The following ALDH2 variants were observed in gnomAD, a reference collection of about 807,000 sequenced individuals.
ALDH2 encodes the protein aldehyde dehydrogenase, mitochondrial.
Under a neutral mutation model 59.6 loss-of-function variants are expected in ALDH2, and 44 were observed. The observed-to-expected ratio is 0.74, with a 90% CI of 0.58 to 0.95. ALDH2 has a LOEUF of 0.95. Among genes scored for constraint, ALDH2 ranks in the 40% least tolerant of loss-of-function variants. ALDH2 has a pLI of 0.00. For synonymous variants in ALDH2, 291 were observed against 284.0 expected (o/e 1.02, Z -0.25); for missense variants, 570 against 696.3 (o/e 0.82, Z 2.04).
chr12:111,770,894 A>G (rs1593067893), intron 1 of ALDH2, among the ~76,000 whole-genome samples: 2 of 151,726 alleles, frequency 1.3e-5, no homozygotes, highest in African/African-American at 4.8e-5. Context: ...CAGGTGATCC[A>G]CCTGCCCTGG....
At chr12:111,805,891 C>T (rs1593088709) in intron 12 of ALDH2, among the ~76,000 whole-genome samples, 1 of 151,328 alleles carries the variant, frequency 6.6e-6, no homozygotes. Context: ...GGCGTGGCGG[C>T]ACATGCCTGT....
intron 5 of ALDH2, 30 bp from the exon 6 acceptor site, chr12:111,790,404 G>T: frequency 6.2e-7 from 1 of 1,613,516 alleles, no homozygotes; most frequent in Non-Finnish European, 8.5e-7. Flanking sequence ...AGGAAGCTTG[G>T]ATTTCGAGGG....
rs1237082257 is a variant in ALDH2 at position 111,804,640 on chromosome 12, A to C, written c.1521+667A>C. On this transcript the variant is annotated intron_variant, in intron 12 of 12. Transcript: ENST00000261733. ...CGTGCGCCTGTAATCCCAGCTACTCAGGAGGCTGAGGCAGGAGAATCGCTT... is the reference window on the plus strand; with the variant it reads ...CGTGCGCCTGTAATCCCAGCTACTCCGGAGGCTGAGGCAGGAGAATCGCTT... 2.3e-4 allele frequency among the ~76,000 whole-genome samples: 35 copies of C among 151,924 alleles called. 1 individual carries two copies. Among genetic ancestry groups the C allele is most frequent in the Admixed American group, 2.3e-3 (35 of 15,244 alleles).
In ALDH2 at chr12:111,767,050, A is replaced by C; in HGVS notation, c.68A>C (p.Gln23Pro). 6.5e-7 allele frequency: 1 copy of C among 1,529,002 alleles called. No individual in the cohort carries two copies. Among genetic ancestry groups the C allele is most frequent in the Non-Finnish European group, 8.7e-7 (1 of 1,143,950 alleles). 94.7% of individuals were successfully genotyped at this position (1,529,002 alleles called of 1,614,324 possible). ...GRRLLSAAATQAVPAPNQQPE... is the reference protein window; with the variant it reads ...GRRLLSAAATPAVPAPNQQPE... ...CGCCTCTTGTCAGCCGCCGCCACCCAGGCCGTGCCTGCCCCCAACCAGCAG... is the reference window on the plus strand; with the variant it reads ...CGCCTCTTGTCAGCCGCCGCCACCCCGGCCGTGCCTGCCCCCAACCAGCAG... The change falls in exon 1 of 13, where the codon CAG (glutamine) becomes CCG (proline). Residue 23 changes from glutamine (Q) to proline (P), a missense_variant. Coordinates refer to ENST00000261733, the MANE Select transcript of ALDH2 (RefSeq NM_000690.4).
Position 111,798,134 on chromosome 12 carries a change from G to C in ALDH2, c.1140G>C (p.Glu380Asp), listed in dbSNP as rs150253385. The change falls in exon 10 of 13, where the codon GAG becomes GAC. Residue 380 changes from glutamate to aspartate, a missense_variant. Physicochemically the swap from Glu to Asp is conservative, Grantham distance 45. Transcript: ENST00000261733. ...ILGYINTGKQEGAKLLCGGGI... is the reference protein window; with the variant it reads ...ILGYINTGKQDGAKLLCGGGI... ...GCTACATCAACACGGGGAAGCAAGA[G>C]GGGGCGAAGCTGCTGTGTGGTGGGG... The C allele has an allele frequency of 1.9e-6, 3 of 1,613,882 alleles. No individual in the cohort carries two copies. The highest frequency in any genetic ancestry group is 2.5e-6 in the Non-Finnish European group (3 of 1,179,948).
chr12:111,772,234 A>T (rs530121018), intron 1 of ALDH2, among the ~76,000 whole-genome samples: 8 of 152,274 alleles, frequency 5.3e-5, no homozygotes, highest in African/African-American at 1.9e-4. Flanking sequence ...CTGAAGCAGA[A>T]ATTTGCTTTT....
intron 9 of ALDH2, among the ~76,000 whole-genome samples, chr12:111,793,927 C>T (rs1399146961): frequency 6.6e-6 from 1 of 151,404 alleles, no homozygotes; most frequent in African/African-American, 2.4e-5. Flanking sequence ...ATTCTAGTAT[C>T]ATATAAATAT....
rs1322584942 is a variant in ALDH2, at chr12:111,789,948, C to T, written c.552+14C>T. 6.2e-7 allele frequency: 1 copy of T among 1,610,264 alleles called. No individual in the cohort carries two copies. Among genetic ancestry groups the T allele is most frequent in the Admixed American group, 1.7e-5 (1 of 59,942 alleles). ...CAGATCATTCCGGTGAGTCCAGCCTCCCTGGAGTTTCTTCAGGGTGCCCTG... is the reference window on the plus strand; with the variant it reads ...CAGATCATTCCGGTGAGTCCAGCCTTCCTGGAGTTTCTTCAGGGTGCCCTG... On this transcript the variant is annotated intron_variant, in intron 5 of 12. Coordinates refer to ENST00000261733, the MANE Select transcript of ALDH2 (RefSeq NM_000690.4).
chr12:111,803,585 T>A (rs73420492), intron 11 of ALDH2, among the ~76,000 whole-genome samples: 12,872 of 151,604 alleles, frequency 0.085, 635 homozygotes, highest in Middle Eastern at 0.16. Flanking sequence ...TAAAAAAAAA[T>A]TTATTGCCAG....
intron 1 of ALDH2, among the ~76,000 whole-genome samples, chr12:111,779,176 CCT>C (rs1242135316): frequency 1.3e-5 from 2 of 149,498 alleles, no homozygotes; most frequent in Non-Finnish European, 3.0e-5. Flanking sequence ...TTGTCTTGAA[CCT>C]CTGCTCCTTT....
chr12:111,784,962 T>A (rs893893753), intron 3 of ALDH2, among the ~76,000 whole-genome samples: 5 of 152,182 alleles, frequency 3.3e-5, no homozygotes, highest in African/African-American at 1.2e-4. Context: ...CTCTGTAAGC[T>A]CCACGCTGGT....
intron 1 of ALDH2, among the ~76,000 whole-genome samples, chr12:111,767,406 C>T (rs1174755784): frequency 6.6e-6 from 1 of 152,186 alleles, no homozygotes; most frequent in Non-Finnish European, 1.5e-5. Flanking sequence ...TTCGGGTCTC[C>T]GCAGGGTCCC....
chr12:111,786,292 A>G (rs139702147), intron 4 of ALDH2, among the ~76,000 whole-genome samples: 2,350 of 152,120 alleles, frequency 0.015, 71 homozygotes, highest in African/African-American at 0.053. Context: ...GCTGGAGTGC[A>G]GTGGTGCGAT....
intron 11 of ALDH2, among the ~76,000 whole-genome samples, chr12:111,803,184 CA>C (rs1463884328): frequency 2.1e-5 from 3 of 143,418 alleles, no homozygotes; most frequent in Non-Finnish European, 4.6e-5. Context: ...AACTCCATCT[CA>C]AAAAATAATC....
Position 111,785,326 on chromosome 12 carries a change from C to G in ALDH2, c.420C>G (p.Asp140Glu), listed in dbSNP as rs141373324. The change falls in exon 4 of 13, where the codon GAC becomes GAG. Residue 140 changes from aspartate (D) to glutamate (E), a missense_variant. Asp to Glu is a conservative substitution (Grantham distance 45). Transcript: ENST00000261733. ...TCATCTCCTACCTGGTGGATTTGGACATGGTCCTCAAATGTCTCCGGTATG... is the reference window on the plus strand; with the variant it reads ...TCATCTCCTACCTGGTGGATTTGGAGATGGTCCTCAAATGTCTCCGGTATG... ...PYVISYLVDLDMVLKCLRYYA... is the reference protein window; with the variant it reads ...PYVISYLVDLEMVLKCLRYYA... 77 of 1,614,078 alleles carry G rather than the reference C, an allele frequency of 4.8e-5. No individual in the cohort carries two copies. Among genetic ancestry groups the G allele is most frequent in the South Asian group, 6.6e-5 (6 of 91,084 alleles).
intron 4 of ALDH2, among the ~76,000 whole-genome samples, chr12:111,785,700 G>C (rs2068304242): frequency 6.6e-6 from 1 of 152,114 alleles, no homozygotes; most frequent in Admixed American, 6.6e-5. Flanking sequence ...CTCCAGCCTA[G>C]GTGACAGAGT....
At chr12:111,767,281 C>CT in intron 1 of ALDH2, among the ~76,000 whole-genome samples, 185 bp downstream of exon 1, 1 of 152,318 alleles carries the variant, frequency 6.6e-6, no homozygotes, top group East Asian at 1.9e-4. Context: ...TTCGCCGCCT[C>CT]TGACAGTCCC....
intron 8 of ALDH2, 44 bp downstream of exon 8, chr12:111,792,207 G>A (rs373123763): frequency 1.4e-6 from 2 of 1,445,278 alleles, no homozygotes; most frequent in East Asian, 4.5e-5. Flanking sequence ...AGGTAGCCCT[G>A]GCCACCTGTG....
chr12:111,809,842 T>C lies in ALDH2; in HGVS notation c.*267T>C. 1 of 522,296 alleles carries C rather than the reference T, an allele frequency of 1.9e-6. No homozygotes were observed. 32.4% of individuals were successfully genotyped at this position (522,296 alleles called of 1,614,324 possible). ...AAAAATAGATTCAAATGTGTTATCC[T>C]CTCTCTGAAACGCTTCCTATAACTC... On this transcript the variant is annotated 3_prime_UTR_variant, in exon 13 of 13. Coordinates refer to ENST00000261733, the MANE Select transcript of ALDH2 (RefSeq NM_000690.4).
Sources: gnomAD v4.1 joint callset for allele counts (sites outside exome capture counted in the v4.1 genomes callset) on GRCh38, gnomAD v4.1.1 for gene constraint, MANE v1.5 for transcripts, NCBI Gene and HGNC (gene_info 2026-07-23, HGNC 2026-07-21) for gene names.